Variants in MGMT observed in about 807,000 individuals in gnomAD.
MGMT encodes the protein O-6-methylguanine-DNA methyltransferase.
A neutral mutation model predicts 15.9 loss-of-function variants in MGMT; 14 were observed. The ratio of observed to expected loss-of-function variants is 0.88; its 90% CI spans 0.58 to 1.37. MGMT has a LOEUF of 1.37. Ranked by LOEUF, MGMT falls within the 40% of genes most tolerant of loss-of-function variation. The probability of loss-of-function intolerance (pLI) is 0.00; values close to 1 mark genes in which losing one functional copy is unlikely to be tolerated. For missense variants in MGMT, 282 were observed against 268.1 expected, an observed-to-expected ratio of 1.05 and a Z score of -0.36; for synonymous variants, 130 against 118.2, an observed-to-expected ratio of 1.10 and a Z score of -0.65.
At chr10:129,761,786 G>T (rs988330664) in intron 4 of MGMT, among the ~76,000 whole-genome samples, 1 of 152,150 alleles carries the variant, frequency 6.6e-6, no homozygotes, top group African/African-American at 2.4e-5. Flanking sequence ...CTCCTGTGCC[G>T]AGGGCAGCCA....
intron 2 of MGMT, among the ~76,000 whole-genome samples, chr10:129,646,744 A>ATTTTTTTTT (rs1448953343): frequency 2.5e-5 from 2 of 79,262 alleles, no homozygotes; most frequent in Non-Finnish European, 5.6e-5. Context: ...ATATATATAT[A>ATTTTTTTTT]TATATATATA....
intron 1 of MGMT, among the ~76,000 whole-genome samples, chr10:129,468,630 A>G (rs1845197466): frequency 6.6e-6 from 1 of 152,102 alleles, no homozygotes; most frequent in Admixed American, 6.6e-5. Context: ...CACGCCTGTA[A>G]TCTCAGCACT....
intron 2 of MGMT, among the ~76,000 whole-genome samples, chr10:129,696,540 G>A (rs546771148): frequency 6.6e-5 from 10 of 152,354 alleles, no homozygotes; most frequent in African/African-American, 2.4e-4. Flanking sequence ...GAAAATCTTT[G>A]TGAGTTTTTC....
intron 1 of MGMT, among the ~76,000 whole-genome samples, chr10:129,475,971 A>G (rs1452237314): frequency 6.6e-6 from 1 of 152,164 alleles, no homozygotes; most frequent in Non-Finnish European, 1.5e-5. Context: ...ACCATTTGCC[A>G]GGAGGCAGGA....
chr10:129,583,011 G>C (rs1330178741), intron 2 of MGMT, among the ~76,000 whole-genome samples: 1 of 152,106 alleles, frequency 6.6e-6, no homozygotes, highest in African/African-American at 2.4e-5. Context: ...CTAAAAGACA[G>C]ATTGCCAACA....
intron 2 of MGMT, among the ~76,000 whole-genome samples, chr10:129,642,047 A>G (rs746762627): frequency 1.3e-5 from 2 of 152,192 alleles, no homozygotes; most frequent in Admixed American, 6.5e-5. Context: ...GAAGAATAGT[A>G]CCTTCAACAG....
chr10:129,761,889 C>T (rs905400429), intron 4 of MGMT, among the ~76,000 whole-genome samples: 6 of 152,194 alleles, frequency 3.9e-5, no homozygotes, highest in Non-Finnish European at 7.3e-5. Flanking sequence ...CCTGTGGCTA[C>T]GGTACCCACA....
intron 3 of MGMT, among the ~76,000 whole-genome samples, chr10:129,745,330 C>G (rs746840877): frequency 6.6e-6 from 1 of 151,968 alleles, no homozygotes; most frequent in Non-Finnish European, 1.5e-5. Flanking sequence ...CTGTAACCAC[C>G]CCCAAAATCA....
rs1275801220 is a variant in MGMT, at chr10:129,567,475, G to T, written c.125+31098G>T. Among the ~76,000 whole-genome samples, 3 of 152,120 alleles carry T rather than the reference G, an allele frequency of 2.0e-5. No individual in the cohort carries two copies. In the East Asian group the frequency reaches 5.8e-4, roughly 29 times the overall value. On this transcript the variant is annotated intron_variant, in intron 2 of 4. Coordinates refer to ENST00000651593, the MANE Select transcript of MGMT (RefSeq NM_002412.5). ...CTGGGAGGGGTCCCGGCGAGAAAGA[G>T]CCATCACCCTAAGAAGATTCAGGAA...
chr10:129,675,180 G>A (rs1445418779), intron 2 of MGMT, among the ~76,000 whole-genome samples: 1 of 152,202 alleles, frequency 6.6e-6, no homozygotes, highest in African/African-American at 2.4e-5. Context: ...CGGGAGCAAG[G>A]GCCCAGCACA....
In MGMT at chr10:129,632,475, G is replaced by T. The variant is rs367947524; in HGVS notation, c.126-75420G>T. Among the ~76,000 whole-genome samples the T allele has an allele frequency of 9.9e-5, 15 of 151,542 alleles. No homozygotes were observed. In the South Asian group the frequency reaches 3.1e-3, roughly 32 times the overall value. On this transcript the variant is annotated intron_variant, in intron 2 of 4. Transcript: ENST00000651593. ...TCACGTGAGACTTCGCCAGTACGGG[G>T]CAAAAGCACACGGTAGAGGATTTTG... is the stretch of plus-strand genomic sequence containing the variant.
At chr10:129,491,112 C>T (rs903480640) in intron 1 of MGMT, among the ~76,000 whole-genome samples, 21 of 152,126 alleles carry the variant, frequency 1.4e-4, no homozygotes, top group East Asian at 1.4e-3. Context: ...TCCATTGGTT[C>T]TCCATCATCA....
At chr10:129,665,834 G>A (rs79014160) in intron 2 of MGMT, among the ~76,000 whole-genome samples, 2,247 of 152,278 alleles carry the variant, frequency 0.015, 56 homozygotes, top group African/African-American at 0.048. Flanking sequence ...GAGACATGGC[G>A]ACTGAATACA....
intron 2 of MGMT, among the ~76,000 whole-genome samples, chr10:129,623,660 C>G (rs577952547): frequency 2.6e-5 from 4 of 152,110 alleles, no homozygotes; most frequent in Non-Finnish European, 5.9e-5. Context: ...TCCCAAGTAG[C>G]TGGGACTACA....
intron 2 of MGMT, among the ~76,000 whole-genome samples, chr10:129,614,574 A>G: frequency 6.6e-6 from 1 of 152,230 alleles, no homozygotes; most frequent in Non-Finnish European, 1.5e-5. Flanking sequence ...AGCCGTTTCA[A>G]GCTGCTCCGT....
intron 2 of MGMT, among the ~76,000 whole-genome samples, chr10:129,646,754 A>ATATATATATTTTTTTTTTTTTTTTTTT: frequency 5.7e-4 from 49 of 86,620 alleles, no homozygotes; most frequent in Non-Finnish European, 9.5e-4. Flanking sequence ...ATATATATAT[A>ATATATATATTTTTTTTTTTTTTTTTTT]TTTTCAGGGA....
At chr10:129,493,293 G>T (rs1845487931) in intron 1 of MGMT, among the ~76,000 whole-genome samples, 1 of 152,150 alleles carries the variant, frequency 6.6e-6, no homozygotes, top group South Asian at 2.1e-4. Context: ...CGGGTTGTCA[G>T]GGAGGCCCCA....
chr10:129,690,675 G>A (rs1402822080), intron 2 of MGMT, among the ~76,000 whole-genome samples: 1 of 152,212 alleles, frequency 6.6e-6, no homozygotes, highest in Non-Finnish European at 1.5e-5. Context: ...GGCCAGGATG[G>A]GGAGACCACA....
rs1846359629 is a variant in MGMT, at chr10:129,566,762, T to C, written c.125+30385T>C. Among the ~76,000 whole-genome samples, 1 of 152,092 alleles carries C rather than the reference T, an allele frequency of 6.6e-6. No individual in the cohort carries two copies. The highest frequency in any genetic ancestry group is 6.5e-5 in the Admixed American group (1 of 15,274). On this transcript the variant is annotated intron_variant, in intron 2 of 4. Coordinates refer to ENST00000651593, the MANE Select transcript of MGMT (RefSeq NM_002412.5). This position sits in a 1 kb window ranked among gnomAD's most constrained non-coding sequence, Gnocchi z 4.1. The stretch of plus-strand genomic sequence containing the variant: ...CCCCATGAAGTTGGTATTCCTCAGC[T>C]CTGCCCCAGGGTCCCTCTGATTCCA...
Sources: allele counts gnomAD v4.1 joint callset (sites outside exome capture counted in the v4.1 genomes callset), GRCh38; gene constraint gnomAD v4.1.1; non-coding constraint Gnocchi (gnomAD v3.1); transcripts MANE v1.5; gene names NCBI Gene and HGNC (gene_info 2026-07-23, HGNC 2026-07-21).